The following ACLY variants were observed in gnomAD, a reference collection of about 807,000 sequenced individuals.
ACLY encodes the protein ATP citrate lyase.
ACLY carries 41 observed loss-of-function variants against 133.0 expected under a neutral mutation model. The observed-to-expected ratio is 0.31, with a 90% CI of 0.24 to 0.40. ACLY has a LOEUF of 0.40. ACLY is among the 10% of genes least tolerant of loss of function. ACLY has a pLI of 1.00. For synonymous variants in ACLY, 495 were observed against 549.3 expected, an observed-to-expected ratio of 0.90 and a Z score of 1.38; for missense variants, 1,046 against 1,453.8, an observed-to-expected ratio of 0.72 and a Z score of 4.56.
intron 1 of ACLY, among the ~76,000 whole-genome samples, chr17:41,926,374 T>A (rs2050243890): frequency 6.6e-6 from 1 of 152,262 alleles, no homozygotes; most frequent in African/African-American, 2.4e-5. Context: ...GTTTCTCATC[T>A]GTGAAACCAG....
At chr17:41,920,389 A>G (rs1239486020), upstream of ACLY, among the ~76,000 whole-genome samples, 1 of 152,056 alleles carries the variant, frequency 6.6e-6, no homozygotes, top group African/African-American at 2.4e-5. Context: ...ACTTGAGGTC[A>G]GGAGTTCAAG....
chr17:41,907,410 CAGT>C (rs2144385215), intron 7 of ACLY, 29 bp downstream of exon 7: 6 of 1,603,134 alleles, frequency 3.7e-6, no homozygotes, highest in Admixed American at 1.7e-5. Flanking sequence ...GCCCTCCCCC[CAGT>C]CCCCATCTCC....
chr17:41,924,267 C>T (rs371067186), intron 1 of ACLY, among the ~76,000 whole-genome samples: 84 of 152,142 alleles, frequency 5.5e-4, no homozygotes, highest in African/African-American at 1.9e-3. Flanking sequence ...GTCTCGCCCT[C>T]CCAAGTAGCT....
intron 15 of ACLY, among the ~76,000 whole-genome samples, 168 bp downstream of exon 15, chr17:41,892,865 T>TG (rs1184653749): frequency 6.6e-6 from 1 of 152,048 alleles, no homozygotes; most frequent in African/African-American, 2.4e-5. Context: ...TCTGTAGAGA[T>TG]GGGGGTCTCC....
intron 18 of ACLY, among the ~76,000 whole-genome samples, chr17:41,885,655 T>C (rs2049028749): frequency 6.6e-6 from 1 of 152,212 alleles, no homozygotes; most frequent in Admixed American, 6.5e-5. Flanking sequence ...AATTCATTTA[T>C]TCCTCCAGTA....
At chr17:41,905,472 G>A in intron 9 of ACLY, 50 bp downstream of exon 9, 4 of 1,612,198 alleles carry the variant, frequency 2.5e-6, no homozygotes, top group Non-Finnish European at 3.4e-6. Flanking sequence ...CAGCCTGCTG[G>A]GCTGTCCTGG....
intron 1 of ACLY, among the ~76,000 whole-genome samples, chr17:41,925,578 C>A (rs2050233901): frequency 6.6e-6 from 1 of 151,892 alleles, no homozygotes; most frequent in African/African-American, 2.4e-5. Context: ...TGCCACTGCA[C>A]TCCAGCCTTT....
intron 14 of ACLY, among the ~76,000 whole-genome samples, chr17:41,895,555 G>A (rs2049342339): frequency 6.6e-6 from 1 of 152,128 alleles, no homozygotes; most frequent in African/African-American, 2.4e-5. Context: ...GCCATAATCT[G>A]TTCTCCCTGA....
Position 41,905,522 on chromosome 17 carries a change from C to T in ACLY, c.1003G>A (p.Gly335Ser). Residue 335 changes from glycine (G) to serine (S), a missense_variant and splice_region_variant, in exon 9 of 29, where the codon GGC becomes AGC. By Grantham distance (56) the Gly-to-Ser change is moderately conservative. Coordinates refer to ENST00000352035, the MANE Select transcript of ACLY (RefSeq NM_001096.3). ...SLMTREKHPD[G>S]KILIIGGSIA... ...GTATGTGTGTGTGCAAGTATCTCAC[C>T]ATCTGGGTGCTTCTCTCGGGTCATG... The T allele has an allele frequency of 6.2e-7, 1 of 1,614,172 alleles. No homozygotes were observed. Among genetic ancestry groups the T allele is most frequent in the Non-Finnish European group, 8.5e-7 (1 of 1,180,028 alleles).
chr17:41,919,426 C>T (rs1358219032), upstream of ACLY, among the ~76,000 whole-genome samples: 1 of 152,236 alleles, frequency 6.6e-6, no homozygotes, highest in Non-Finnish European at 1.5e-5. Flanking sequence ...AATCCGATTG[C>T]TTAGACAGTC....
At position 41,887,642 on chromosome 17, in the gene ACLY, T is replaced by G; in HGVS notation, c.1832A>C (p.Lys611Thr). 1 of 1,613,894 alleles carries G rather than the reference T, an allele frequency of 6.2e-7. No individual in the cohort carries two copies. Among genetic ancestry groups the G allele is most frequent in the South Asian group, 1.1e-5 (1 of 91,074 alleles). The change falls in exon 17 of 29, where the codon AAG becomes ACG. Residue 611 changes from lysine to threonine, a missense_variant. By Grantham distance (78) the Lys-to-Thr change is moderately conservative (BLOSUM62 -1). Coordinates refer to ENST00000352035, the MANE Select transcript of ACLY (RefSeq NM_001096.3). Reference protein sequence around the residue: ...IPEALTRKLIKKADQKGVTII... With the variant: ...IPEALTRKLITKADQKGVTII... ...GGTCACTCCCTTCTGGTCCGCCTTC[T>G]TGATCAGCTTTCTCGTGAGGGCCTC...
At chr17:41,901,899 T>C (rs2049551571) in intron 10 of ACLY, 86 bp from the exon 11 acceptor site, 1 of 1,066,196 alleles carries the variant, frequency 9.4e-7, no homozygotes, top group Non-Finnish European at 1.4e-6. Context: ...ATACCAGGTA[T>C]ATGTGACAAG....
At chr17:41,910,999 A>G (rs2049886575) in intron 3 of ACLY, among the ~76,000 whole-genome samples, 3 of 152,118 alleles carry the variant, frequency 2.0e-5, no homozygotes, top group Non-Finnish European at 1.5e-5. Flanking sequence ...AGGCCAGCAG[A>G]AGGAAGCAGG....
In ACLY at chr17:41,901,645, G is replaced by A. The variant is rs782262700; in HGVS notation, c.1183+51C>T. The A allele has an allele frequency of 6.1e-6, 9 of 1,483,002 alleles. No individual in the cohort carries two copies. In the African/African-American group the frequency reaches 1.3e-4, roughly 21 times the overall value. 91.9% of individuals were successfully genotyped at this position (1,483,002 alleles called of 1,614,324 possible). ...CTCAGGAATCAGAAATCCCAAAGAG[G>A]AAGGCCACCCACACTCAGGGTGAGG... is the stretch of plus-strand genomic sequence containing the variant. On this transcript the variant is annotated intron_variant, in intron 11 of 28. Transcript: ENST00000352035.
intron 1 of ACLY, among the ~76,000 whole-genome samples, chr17:41,927,551 C>T (rs767514055): frequency 1.3e-5 from 2 of 152,090 alleles, no homozygotes; most frequent in East Asian, 1.9e-4. Context: ...TTAGACTAGG[C>T]GCAGTGGCTC....
At chr17:41,914,258 G>A (rs550043624) in intron 1 of ACLY, among the ~76,000 whole-genome samples, 24 of 152,296 alleles carry the variant, frequency 1.6e-4, no homozygotes, top group African/African-American at 4.1e-4. Flanking sequence ...CAAGAAAACC[G>A]GTGCTTTGAC....
chr17:41,929,373 C>T (rs1172940659), intron 1 of ACLY, among the ~76,000 whole-genome samples: 4 of 152,190 alleles, frequency 2.6e-5, no homozygotes, highest in Non-Finnish European at 5.9e-5. Context: ...GGATTACAGG[C>T]ATGAGCCACC....
Position 41,886,187 on chromosome 17 carries a change from A to G in ACLY, c.1997T>C (p.Met666Thr), listed in dbSNP as rs1555628107. Residue 666 changes from methionine (M) to threonine (T), a missense_variant, in exon 18 of 29, where the codon ATG (methionine) becomes ACG (threonine). Transcript: ENST00000352035. ...GATGATATTGTTGAGCTCGTTGGAC[A>G]TGCCTCCGGAACGTGAGACATAGGC... ...SVAYVSRSGG[M>T]SNELNNIISR... 1.2e-6 allele frequency: 2 copies of G among 1,614,200 alleles called. No individual in the cohort carries two copies. The highest frequency in any genetic ancestry group is 1.1e-5 in the South Asian group (1 of 91,088).
intron 15 of ACLY, 90 bp downstream of exon 15, chr17:41,892,943 C>A: frequency 6.6e-7 from 1 of 1,505,766 alleles, no homozygotes; most frequent in Non-Finnish European, 9.0e-7. Flanking sequence ...CCTCCCAAAG[C>A]GCTAGGATTA....
Sources: allele counts gnomAD v4.1 joint callset (sites outside exome capture counted in the v4.1 genomes callset), GRCh38; gene constraint gnomAD v4.1.1; transcripts MANE v1.5; gene names NCBI Gene and HGNC (gene_info 2026-07-23, HGNC 2026-07-21).